OR3A3: variants seen among roughly 807,000 people sequenced by gnomAD.
OR3A3 encodes olfactory receptor family 3 subfamily A member 3.
For missense variants in OR3A3, 275 were observed against 391.4 expected, an observed-to-expected ratio of 0.70 and a Z score of 2.51; for synonymous variants, 103 against 163.9, an observed-to-expected ratio of 0.63 and a Z score of 2.84.
chr17:3,420,328 T>C (rs567410866), intron 2 of OR3A3, among the ~76,000 whole-genome samples: 2 of 152,328 alleles, frequency 1.3e-5, no homozygotes, highest in East Asian at 1.9e-4. Flanking sequence ...ATAATCCTCA[T>C]GTTATAAATT....
At chr17:3,419,971 G>A (rs941943058) in intron 2 of OR3A3, among the ~76,000 whole-genome samples, 3 of 152,060 alleles carry the variant, frequency 2.0e-5, no homozygotes, top group African/African-American at 4.8e-5. Context: ...GTTTCGCTGT[G>A]TTAGCCAGGA....
chr17:3,421,212 G>A (rs2072432259), exon 3 of OR3A3: 1 of 1,614,180 alleles, frequency 6.2e-7, no homozygotes, highest in Non-Finnish European at 8.5e-7. Flanking sequence ...CAGCCTTCAT[G>A]GCTGTGGCAC....
intron 2 of OR3A3, among the ~76,000 whole-genome samples, chr17:3,418,060 C>G (rs2072402847): frequency 6.6e-6 from 1 of 152,208 alleles, no homozygotes; most frequent in African/African-American, 2.4e-5. Context: ...TCTTGTATCT[C>G]TGTCTTGTGT....
intron 2 of OR3A3, among the ~76,000 whole-genome samples, 169 bp downstream of exon 2, chr17:3,412,340 C>A (rs1353629261): frequency 1.4e-5 from 2 of 147,692 alleles, no homozygotes; most frequent in Admixed American, 6.8e-5. Context: ...TGGTTTTCCC[C>A]GTGCTCGCCT....
At chr17:3,421,574 T>G in exon 3 of OR3A3, 1 of 1,513,962 alleles carries the variant, frequency 6.6e-7, no homozygotes, top group Non-Finnish European at 8.8e-7. Context: ...CCGAGGAAAA[T>G]TTCCCGAGAA....
At chr17:3,413,256 A>T (rs969459530) in intron 2 of OR3A3, among the ~76,000 whole-genome samples, 1 of 152,140 alleles carries the variant, frequency 6.6e-6, no homozygotes, top group African/African-American at 2.4e-5. Context: ...CAGGAGTGAG[A>T]GGGAGAGTGA....
At chr17:3,414,604 G>T (rs530848176) in intron 2 of OR3A3, among the ~76,000 whole-genome samples, 1 of 152,178 alleles carries the variant, frequency 6.6e-6, no homozygotes, top group East Asian at 1.9e-4. Flanking sequence ...GCAGCAATGC[G>T]ATCAGAGACC....
chr17:3,421,609 A>G, exon 3 of OR3A3: 1 of 1,488,958 alleles, frequency 6.7e-7, no homozygotes, highest in South Asian at 1.4e-5. Context: ...AACCTTGTTT[A>G]TAACCATTAT....
intron 2 of OR3A3, among the ~76,000 whole-genome samples, chr17:3,418,458 T>G (rs2072405567): frequency 6.6e-6 from 1 of 152,228 alleles, no homozygotes; most frequent in Non-Finnish European, 1.5e-5. Flanking sequence ...CAGTCTCACC[T>G]AAACACTACA....
exon 3 of OR3A3, chr17:3,421,189 C>G: frequency 2.5e-6 from 4 of 1,614,226 alleles, no homozygotes; most frequent in Non-Finnish European, 3.4e-6. Flanking sequence ...TGAGCTGCTG[C>G]TCTTTGTAGC....
At chr17:3,423,541 T>C (rs1280103734) in exon 3 of OR3A3, 1 of 152,206 alleles carries the variant, frequency 6.6e-6, no homozygotes, top group Non-Finnish European at 1.5e-5. Context: ...TTATACCTGA[T>C]AGTGGAAACA....
chr17:3,422,519 C>T (rs1470075973), exon 3 of OR3A3: 1 of 152,234 alleles, frequency 6.6e-6, no homozygotes, highest in Non-Finnish European at 1.5e-5. Flanking sequence ...TGAAAATACA[C>T]ACCCATAAAT....
chr17:3,414,961 A>G (rs2072382122), intron 2 of OR3A3, among the ~76,000 whole-genome samples: 1 of 152,184 alleles, frequency 6.6e-6, no homozygotes, highest in East Asian at 1.9e-4. Flanking sequence ...GAAAAACACT[A>G]AAACCCATTA....
intron 2 of OR3A3, 131 bp downstream of exon 2, chr17:3,412,302 T>C (rs1262652403): frequency 6.7e-6 from 1 of 149,216 alleles, no homozygotes; most frequent in Non-Finnish European, 1.5e-5. Context: ...GACCTGGCAC[T>C]ACAGCCCGGA....
intron 2 of OR3A3, among the ~76,000 whole-genome samples, chr17:3,420,171 T>C (rs1451913016): frequency 2.0e-5 from 3 of 152,182 alleles, no homozygotes; most frequent in Non-Finnish European, 4.4e-5. Context: ...AGTTACGAGA[T>C]ACACGTAGAC....
intron 2 of OR3A3, among the ~76,000 whole-genome samples, chr17:3,419,530 A>G (rs227790): frequency 0.28 from 42,929 of 152,046 alleles, 6,413 homozygotes; most frequent in South Asian, 0.46. Flanking sequence ...TAACATTCTC[A>G]CCACAAAAAT....
At chr17:3,419,925 C>A (rs1044869641) in intron 2 of OR3A3, among the ~76,000 whole-genome samples, 3 of 151,868 alleles carry the variant, frequency 2.0e-5, no homozygotes, top group African/African-American at 7.3e-5. Context: ...GCCACCAAGC[C>A]CGGCTGATTT....
At chr17:3,414,778 A>C (rs1178282597) in intron 2 of OR3A3, among the ~76,000 whole-genome samples, 1 of 152,130 alleles carries the variant, frequency 6.6e-6, no homozygotes, top group East Asian at 1.9e-4. Context: ...CCCAGAACCC[A>C]CCCAAGGCTC....
At chr17:3,420,126 A>G (rs1468184355) in intron 2 of OR3A3, among the ~76,000 whole-genome samples, 2 of 151,936 alleles carry the variant, frequency 1.3e-5, no homozygotes, top group Non-Finnish European at 2.9e-5. Flanking sequence ...TTTTTTAACA[A>G]ATTTTATTGC....
Sources: gnomAD v4.1 joint callset for allele counts (sites outside exome capture counted in the v4.1 genomes callset) on GRCh38, gnomAD v4.1.1 for gene constraint, MANE v1.5 for transcripts, NCBI Gene and HGNC (gene_info 2026-07-23, HGNC 2026-07-21) for gene names.